Variants in CCBE1 observed in about 807,000 individuals in gnomAD.
The protein encoded by CCBE1 is collagen and calcium-binding EGF domain-containing protein 1.
Under a neutral mutation model 50.0 loss-of-function variants are expected in CCBE1, and 37 were observed. The observed-to-expected ratio is 0.74, with a 90% CI of 0.57 to 0.97. The LOEUF (loss-of-function observed/expected upper bound fraction) is 0.97. CCBE1 is among the 50% of genes least tolerant of loss of function. The pLI is 0.00. For missense variants in CCBE1, 538 were observed against 523.8 expected (o/e 1.03, Z -0.26); for synonymous variants, 234 against 203.7 (o/e 1.15, Z -1.27).
intron 2 of CCBE1, among the ~76,000 whole-genome samples, chr18:59,652,687 G>T (rs539555886): frequency 2.0e-5 from 3 of 152,216 alleles, no homozygotes; most frequent in Non-Finnish European, 4.4e-5. Context: ...ATTTTCGGCC[G>T]GGCGCAGTGG....
At chr18:59,524,943 T>C (rs1394786369) in intron 2 of CCBE1, among the ~76,000 whole-genome samples, 1 of 152,238 alleles carries the variant, frequency 6.6e-6, no homozygotes, top group Non-Finnish European at 1.5e-5. Flanking sequence ...TTTTAATGGC[T>C]GTATAGTGTT....
At chr18:59,611,745 TA>T (rs560927223) in intron 2 of CCBE1, among the ~76,000 whole-genome samples, 18 of 148,718 alleles carry the variant, frequency 1.2e-4, no homozygotes, top group East Asian at 3.9e-4. Flanking sequence ...AACTCTGTCT[TA>T]AAAAAAAAAA....
intron 2 of CCBE1, among the ~76,000 whole-genome samples, chr18:59,692,086 T>C (rs1049824367): frequency 6.6e-6 from 1 of 152,200 alleles, no homozygotes; most frequent in Non-Finnish European, 1.5e-5. Context: ...GAAAATAGCA[T>C]CTGCAAACGA....
At chr18:59,476,953 A>G (rs1022096809) in intron 3 of CCBE1, among the ~76,000 whole-genome samples, 2 of 152,232 alleles carry the variant, frequency 1.3e-5, no homozygotes, top group African/African-American at 4.8e-5. Context: ...CTACTGATCC[A>G]CTAGCAAAAT....
intron 2 of CCBE1, among the ~76,000 whole-genome samples, chr18:59,542,862 T>TC (rs1459744897): frequency 2.0e-5 from 3 of 151,990 alleles, no homozygotes; most frequent in African/African-American, 7.2e-5. Context: ...CCCACCAACA[T>TC]CCCTCTTTCT....
At chr18:59,528,854 A>G (rs1227762881) in intron 2 of CCBE1, among the ~76,000 whole-genome samples, 1 of 150,712 alleles carries the variant, frequency 6.6e-6, no homozygotes, top group South Asian at 2.1e-4. Flanking sequence ...GCTCCATCCC[A>G]GAGGGGCACT....
chr18:59,549,972 T>G (rs1020706698), intron 2 of CCBE1, among the ~76,000 whole-genome samples: 11 of 152,210 alleles, frequency 7.2e-5, no homozygotes, highest in African/African-American at 2.2e-4. Flanking sequence ...AGATGGTTGT[T>G]GGACTGCTGC....
chr18:59,571,212 C>G (rs1186824380), intron 2 of CCBE1, among the ~76,000 whole-genome samples: 1 of 152,098 alleles, frequency 6.6e-6, no homozygotes, highest in Non-Finnish European at 1.5e-5. Flanking sequence ...TATTGCTTTA[C>G]ATTATTATGT....
intron 2 of CCBE1, among the ~76,000 whole-genome samples, chr18:59,553,554 A>G (rs1375283234): frequency 6.6e-6 from 1 of 152,228 alleles, no homozygotes; most frequent in Non-Finnish European, 1.5e-5. Context: ...TTTCAATAGC[A>G]TCATAAACTC....
chr18:59,551,415 G>A (rs776149777), intron 2 of CCBE1, among the ~76,000 whole-genome samples: 1 of 152,170 alleles, frequency 6.6e-6, no homozygotes, highest in Non-Finnish European at 1.5e-5. Context: ...GTGAAGGCCT[G>A]GGACATTACT....
At chr18:59,673,080 G>C (rs1173781495) in intron 2 of CCBE1, among the ~76,000 whole-genome samples, 3 of 152,180 alleles carry the variant, frequency 2.0e-5, no homozygotes, top group Non-Finnish European at 4.4e-5. Flanking sequence ...TCCACCGCTG[G>C]TAAGTTATGG....
chr18:59,552,820 T>C (rs1282894441), intron 2 of CCBE1, among the ~76,000 whole-genome samples: 1 of 152,216 alleles, frequency 6.6e-6, no homozygotes, highest in Non-Finnish European at 1.5e-5. Context: ...ACCATACACT[T>C]ATGTCTTTGA....
intron 2 of CCBE1, among the ~76,000 whole-genome samples, chr18:59,531,663 G>A (rs554201800): frequency 1.3e-5 from 2 of 152,242 alleles, no homozygotes; most frequent in Admixed American, 1.3e-4. Context: ...CGGATCACTT[G>A]AGCCCAGGAA....
chr18:59,694,261 C>T (rs1486937298), intron 2 of CCBE1, among the ~76,000 whole-genome samples: 1 of 152,178 alleles, frequency 6.6e-6, no homozygotes, highest in Non-Finnish European at 1.5e-5. Flanking sequence ...CATTCACCAA[C>T]AGCCACCTGG....
chr18:59,583,985 C>T (rs535974565), intron 2 of CCBE1, among the ~76,000 whole-genome samples: 224 of 152,216 alleles, frequency 1.5e-3, no homozygotes, highest in African/African-American at 5.1e-3. Context: ...TTTGACCCAG[C>T]CATCCCATTA....
chr18:59,646,837 C>A lies in CCBE1; in HGVS notation c.212+49792G>T, dbSNP rs137972111. ...TAACCATCAGCCAAACTGAATGGGA[C>A]CACCAGCATCACATGAACACGGAAC... On this transcript the variant is annotated intron_variant, in intron 2 of 10. Coordinates refer to ENST00000439986, the MANE Select transcript of CCBE1 (RefSeq NM_133459.4). 8.0e-3 allele frequency among the ~76,000 whole-genome samples: 1,225 copies of A among 152,312 alleles called. 8 individuals are homozygous for A. Among genetic ancestry groups the A allele is most frequent in the African/African-American group, 0.027 (1,142 of 41,578 alleles).
chr18:59,478,298 A>C (rs530172599), intron 3 of CCBE1, among the ~76,000 whole-genome samples: 2 of 152,218 alleles, frequency 1.3e-5, no homozygotes, highest in Non-Finnish European at 2.9e-5. Context: ...AATCGAAATC[A>C]AAATTGGTTC....
chr18:59,533,139 T>C (rs150871563), intron 2 of CCBE1, among the ~76,000 whole-genome samples: 1 of 152,336 alleles, frequency 6.6e-6, no homozygotes, highest in East Asian at 1.9e-4. Flanking sequence ...TAATATATGT[T>C]CAAACAAAAT....
At chr18:59,682,786 G>T (rs2054608231) in intron 2 of CCBE1, among the ~76,000 whole-genome samples, 1 of 152,236 alleles carries the variant, frequency 6.6e-6, no homozygotes, top group Non-Finnish European at 1.5e-5. Context: ...ACCCTGAAAG[G>T]GTGAAATTGG....
Sources: allele counts gnomAD v4.1 joint callset (sites outside exome capture counted in the v4.1 genomes callset), GRCh38; gene constraint gnomAD v4.1.1; transcripts MANE v1.5; gene names NCBI Gene and HGNC (gene_info 2026-07-23, HGNC 2026-07-21).